The following MTR variants were observed in gnomAD, a reference collection of about 807,000 sequenced individuals.
The protein encoded by MTR is methionine synthase.
Under a neutral mutation model 154.8 loss-of-function variants are expected in MTR, and 84 were observed. The observed-to-expected ratio is 0.54, with a 90% CI of 0.45 to 0.65. The LOEUF is 0.65. Among genes scored for constraint, MTR ranks in the 30% least tolerant of loss-of-function variants. The probability of loss-of-function intolerance (pLI) is 0.00; values close to 1 mark genes in which losing one functional copy is unlikely to be tolerated. For synonymous variants in MTR, 554 were observed against 553.9 expected, an observed-to-expected ratio of 1.00 and a Z score of 0.00; for missense variants, 1,275 against 1,570.2, an observed-to-expected ratio of 0.81 and a Z score of 3.18.
intron 25 of MTR, among the ~76,000 whole-genome samples, chr1:236,881,903 A>T (rs1665756975): frequency 6.6e-6 from 1 of 152,172 alleles, no homozygotes; most frequent in Non-Finnish European, 1.5e-5. Flanking sequence ...GAGACAGAAG[A>T]ATAAAGAGAT....
intron 22 of MTR, among the ~76,000 whole-genome samples, chr1:236,872,468 G>A (rs1038022755): frequency 5.3e-5 from 8 of 152,168 alleles, no homozygotes; most frequent in African/African-American, 1.9e-4. Context: ...GATCTTCCCT[G>A]TTGGCTTCCA....
intron 15 of MTR, among the ~76,000 whole-genome samples, chr1:236,840,962 T>C (rs1663195373): frequency 1.3e-5 from 2 of 152,222 alleles, no homozygotes; most frequent in East Asian, 1.9e-4. Flanking sequence ...AAAGTTGTTA[T>C]CATCCACTAC....
Position 236,878,981 on chromosome 1 carries a change from G to A in MTR, c.2595-1774G>A, listed in dbSNP as rs2011943. On this transcript the variant is annotated intron_variant, in intron 24 of 32. Coordinates refer to ENST00000366577, the MANE Select transcript of MTR (RefSeq NM_000254.3). ...TAAGGCTTTGTAGTCCTTTGCTTCC[G>A]TTTACAAGTGGACATACTGTTAGGA... is the stretch of plus-strand genomic sequence containing the variant. Among the ~76,000 whole-genome samples, 265 of 152,322 alleles carry A rather than the reference G, an allele frequency of 1.7e-3. 1 individual carries two copies. The highest frequency in any genetic ancestry group is 6.1e-3 in the African/African-American group (252 of 41,572).
chr1:236,844,807 G>T (rs1261971069), intron 15 of MTR, among the ~76,000 whole-genome samples: 1 of 152,200 alleles, frequency 6.6e-6, no homozygotes, highest in African/African-American at 2.4e-5. Context: ...AACTCAGAGT[G>T]AGAATGGAAT....
chr1:236,832,691 C>T (rs1662681405), intron 13 of MTR, among the ~76,000 whole-genome samples: 1 of 152,132 alleles, frequency 6.6e-6, no homozygotes, highest in Admixed American at 6.5e-5. Context: ...AGGAATTTTG[C>T]CTGGGCCTTA....
At chr1:236,868,622 A>G (rs1383620179) in intron 22 of MTR, among the ~76,000 whole-genome samples, 1 of 152,248 alleles carries the variant, frequency 6.6e-6, no homozygotes, top group African/African-American at 2.4e-5. Context: ...CATTACAGAT[A>G]ATGCACAGTG....
At chr1:236,875,049 AT>A (rs1191740883) in intron 24 of MTR, among the ~76,000 whole-genome samples, 1 of 152,194 alleles carries the variant, frequency 6.6e-6, no homozygotes, top group Non-Finnish European at 1.5e-5. Flanking sequence ...ACTTTTTGTG[AT>A]TCCTATTCTT....
chr1:236,828,714 A>G (rs1238838576), intron 11 of MTR, among the ~76,000 whole-genome samples: 3 of 152,026 alleles, frequency 2.0e-5, no homozygotes, highest in Non-Finnish European at 4.4e-5. Flanking sequence ...AAACAGATCC[A>G]CTGGACCTAA....
At position 236,901,929 on chromosome 1, in the gene MTR, A is replaced by G. The variant is rs1666934286; in HGVS notation, c.*4285A>G. ...TCCAGTTGGTTCTCAAGCCCTGGCG[A>G]TTTTACGCGCTAGATAGGTCTTAAG... On this transcript the variant is annotated 3_prime_UTR_variant, in exon 33 of 33. Coordinates refer to ENST00000366577, the MANE Select transcript of MTR (RefSeq NM_000254.3). The G allele has an allele frequency of 6.6e-6, 1 of 152,132 alleles. No individual in the cohort carries two copies. Among genetic ancestry groups the G allele is most frequent in the African/African-American group, 2.4e-5 (1 of 41,382 alleles). The allele number at this position is 152,132 out of a possible 1,614,324, so 9.4% of individuals were successfully genotyped here.
intron 1 of MTR, among the ~76,000 whole-genome samples, chr1:236,802,886 A>T (rs1423033170): frequency 1.3e-5 from 2 of 152,150 alleles, no homozygotes; most frequent in African/African-American, 4.8e-5. Flanking sequence ...TTAGAAGTCA[A>T]GGAGCATGGG....
chr1:236,879,736 G>A (rs1665623609), intron 24 of MTR, among the ~76,000 whole-genome samples: 2 of 152,218 alleles, frequency 1.3e-5, no homozygotes, highest in Admixed American at 6.5e-5. Context: ...AGTCATCACA[G>A]GGCAGTTTGT....
chr1:236,823,426 A>G (rs1662090211), intron 8 of MTR, among the ~76,000 whole-genome samples: 3 of 152,250 alleles, frequency 2.0e-5, no homozygotes, highest in Non-Finnish European at 4.4e-5. Flanking sequence ...TTTAACCTAT[A>G]TTAACTAAAC....
At chr1:236,834,053 A>C (rs1240388649) in intron 13 of MTR, among the ~76,000 whole-genome samples, 3 of 152,222 alleles carry the variant, frequency 2.0e-5, no homozygotes, top group African/African-American at 7.2e-5. Context: ...CATGACTGTG[A>C]CATGTGCCTC....
At chr1:236,822,983 T>C (rs1662057393) in intron 8 of MTR, among the ~76,000 whole-genome samples, 1 of 152,196 alleles carries the variant, frequency 6.6e-6, no homozygotes, top group South Asian at 2.1e-4. Flanking sequence ...AGATACTCTT[T>C]ATCAAGTCAA....
chr1:236,815,605 C>T lies in MTR; in HGVS notation c.611C>T (p.Ala204Val). Residue 204 changes from alanine to valine, a missense_variant and splice_region_variant, in exon 7 of 33, where the codon GCA becomes GTA. By Grantham distance (64) the Ala-to-Val change is moderately conservative (BLOSUM62 0). Transcript: ENST00000366577. ...ETIFDTANAK[A>V]ALFALQNLFE... ...CGTTCTTTCTTTTTTCCCTGACAGG[C>T]AGCCTTGTTTGCACTCCAAAATCTT... 2 of 1,613,886 alleles carry T rather than the reference C, an allele frequency of 1.2e-6. No individual in the cohort carries two copies. Among genetic ancestry groups the T allele is most frequent in the Non-Finnish European group, 1.7e-6 (2 of 1,179,840 alleles).
chr1:236,803,234 C>T (rs1660790024), intron 1 of MTR, among the ~76,000 whole-genome samples, 194 bp from the exon 2 acceptor site: 1 of 152,110 alleles, frequency 6.6e-6, no homozygotes, highest in South Asian at 2.1e-4. Flanking sequence ...GTGCTGTGTG[C>T]AATCTTGTAT....
chr1:236,851,167 A>G (rs912803707), intron 16 of MTR, among the ~76,000 whole-genome samples: 5 of 152,206 alleles, frequency 3.3e-5, no homozygotes, highest in Admixed American at 3.3e-4. Flanking sequence ...AGTTGTTCAG[A>G]CTTACCCATA....
chr1:236,891,102 T>G (rs765634387), intron 28 of MTR, 31 bp from the exon 29 acceptor site: 5 of 1,612,252 alleles, frequency 3.1e-6, no homozygotes, highest in Non-Finnish European at 4.2e-6. Flanking sequence ...TTGGCATCTT[T>G]AAGTGAATTC....
intron 29 of MTR, among the ~76,000 whole-genome samples, chr1:236,892,387 C>A (rs1558345383): frequency 1.3e-5 from 2 of 151,950 alleles, no homozygotes; most frequent in African/African-American, 4.8e-5. Context: ...GAGGATGAGG[C>A]GGGAGGATCA....
Sources: allele counts gnomAD v4.1 joint callset (sites outside exome capture counted in the v4.1 genomes callset), GRCh38; gene constraint gnomAD v4.1.1; transcripts MANE v1.5; gene names NCBI Gene and HGNC (gene_info 2026-07-23, HGNC 2026-07-21).